NRG3: variants seen among roughly 807,000 people sequenced by gnomAD.
NRG3 encodes the protein neuregulin 3, also known as pro-neuregulin-3, membrane-bound isoform.
NRG3 carries 31 observed loss-of-function variants against 66.9 expected under a neutral mutation model. That is an observed-to-expected ratio of 0.46 (90% CI 0.35 to 0.63). The LOEUF is 0.63. NRG3 is among the 20% of genes least tolerant of loss of function. NRG3 has a pLI of 0.00. For missense variants in NRG3, 910 were observed against 878.9 expected (o/e 1.04, Z -0.45); for synonymous variants, 393 against 359.4 (o/e 1.09, Z -1.06).
intron 1 of NRG3, among the ~76,000 whole-genome samples, chr10:82,023,840 T>C (rs2062170459): frequency 6.6e-6 from 1 of 152,094 alleles, no homozygotes; most frequent in African/African-American, 2.4e-5. Flanking sequence ...TGTCTGGTTT[T>C]GGTATCAGGG....
intron 1 of NRG3, among the ~76,000 whole-genome samples, chr10:81,961,380 T>G (rs1210554572): frequency 1.3e-5 from 2 of 152,218 alleles, no homozygotes; most frequent in African/African-American, 4.8e-5. Flanking sequence ...TGTAGACACC[T>G]TGAGGACAGG....
At position 82,863,782 on chromosome 10, in the gene NRG3, T is replaced by C. The variant is rs369224963; in HGVS notation, c.1028-1629T>C. Among the ~76,000 whole-genome samples, 7 of 152,204 alleles carry C rather than the reference T, an allele frequency of 4.6e-5. 1 individual carries two copies. In the East Asian group the frequency reaches 9.6e-4, roughly 21 times the overall value. ...ATGGGTCCATGGCCTCTTCATCCAG[T>C]GCACATTTTCTGCTTTTCCATTATA... On this transcript the variant is annotated intron_variant, in intron 3 of 8. Coordinates refer to ENST00000372141, the MANE Select transcript of NRG3 (RefSeq NM_001010848.4).
At chr10:82,209,060 A>G (rs2075269996) in intron 1 of NRG3, among the ~76,000 whole-genome samples, 1 of 152,186 alleles carries the variant, frequency 6.6e-6, no homozygotes, top group South Asian at 2.1e-4. Flanking sequence ...TCAAACCATA[A>G]AATCACACTT....
chr10:82,607,043 T>C (rs937871735), intron 2 of NRG3, among the ~76,000 whole-genome samples: 1 of 152,154 alleles, frequency 6.6e-6, no homozygotes, highest in Non-Finnish European at 1.5e-5. Context: ...CTTGTTTGAC[T>C]GTCCTACAAT....
At chr10:82,810,241 A>G (rs898178898) in intron 3 of NRG3, among the ~76,000 whole-genome samples, 1 of 152,148 alleles carries the variant, frequency 6.6e-6, no homozygotes, top group Non-Finnish European at 1.5e-5. Flanking sequence ...GGTTATGGAT[A>G]TGTATTGGTC....
intron 1 of NRG3, among the ~76,000 whole-genome samples, chr10:82,149,469 AT>A (rs1409522104): frequency 6.6e-6 from 1 of 152,046 alleles, no homozygotes; most frequent in African/African-American, 2.4e-5. Context: ...ACATTTTTTC[AT>A]GTGTTTTATT....
At chr10:82,014,834 C>A (rs2061717666) in intron 1 of NRG3, among the ~76,000 whole-genome samples, 1 of 151,910 alleles carries the variant, frequency 6.6e-6, no homozygotes, top group Non-Finnish European at 1.5e-5. Context: ...AAATAACAGG[C>A]TAGAAAGAGG....
intron 1 of NRG3, among the ~76,000 whole-genome samples, chr10:81,999,192 C>A (rs535744440): frequency 6.6e-6 from 1 of 152,144 alleles, no homozygotes; most frequent in Non-Finnish European, 1.5e-5. Context: ...CCATCATTTA[C>A]GTGAAAGGTA....
intron 1 of NRG3, among the ~76,000 whole-genome samples, chr10:82,326,829 A>C (rs907203614): frequency 2.6e-5 from 4 of 152,164 alleles, no homozygotes; most frequent in African/African-American, 9.7e-5. Context: ...CATCACCTTT[A>C]ATGTATGTAA....
intron 1 of NRG3, among the ~76,000 whole-genome samples, chr10:82,172,244 A>G (rs1180964587): frequency 6.6e-6 from 1 of 152,116 alleles, no homozygotes; most frequent in Non-Finnish European, 1.5e-5. Flanking sequence ...ATTAGTGGAC[A>G]ACTAATAAAC....
chr10:82,659,797 C>T (rs542395104), intron 2 of NRG3, among the ~76,000 whole-genome samples: 1 of 152,150 alleles, frequency 6.6e-6, no homozygotes, highest in Non-Finnish European at 1.5e-5. Flanking sequence ...ATCAATGCCT[C>T]TCATCTTCCA....
rs1242486326 is a variant in NRG3 at position 82,481,837 on chromosome 10, G to T, written c.953+122969G>T. ...GCATCTCTACTAAAAACACAAAAAA[G>T]TGAGCCAGGCATGGTGGTGGGTGCC... On this transcript the variant is annotated intron_variant, in intron 2 of 8. Coordinates refer to ENST00000372141, the MANE Select transcript of NRG3 (RefSeq NM_001010848.4). Among the ~76,000 whole-genome samples the T allele has an allele frequency of 3.9e-5, 6 of 152,020 alleles. No individual in the cohort carries two copies. The East Asian group carries it at 1.2e-3, about 29-fold the overall frequency.
chr10:82,981,713 G>A (rs757317907), intron 8 of NRG3, among the ~76,000 whole-genome samples: 34 of 152,150 alleles, frequency 2.2e-4, no homozygotes, highest in Non-Finnish European at 4.0e-4. Context: ...GAGGTGGAGA[G>A]GAGATTCTTG....
At chr10:82,659,439 G>T (rs1022459364) in intron 2 of NRG3, among the ~76,000 whole-genome samples, 2 of 152,024 alleles carry the variant, frequency 1.3e-5, no homozygotes, top group African/African-American at 4.8e-5. Flanking sequence ...ATAATTTGAG[G>T]TCAGGAGTTC....
chr10:81,903,232 G>A (rs1305046390), intron 1 of NRG3, among the ~76,000 whole-genome samples: 1 of 152,074 alleles, frequency 6.6e-6, no homozygotes, highest in Non-Finnish European at 1.5e-5. Context: ...TAGAGACTCA[G>A]AGGCCGGGTG....
intron 2 of NRG3, among the ~76,000 whole-genome samples, chr10:82,697,114 T>G (rs2055446080): frequency 6.6e-6 from 1 of 152,200 alleles, no homozygotes; most frequent in Non-Finnish European, 1.5e-5. Flanking sequence ...ACAAAAAGTT[T>G]CATATTTGGG....
chr10:82,121,715 C>T (rs1378339956), intron 1 of NRG3, among the ~76,000 whole-genome samples: 1 of 152,120 alleles, frequency 6.6e-6, no homozygotes, highest in African/African-American at 2.4e-5. Context: ...GAAATCATAG[C>T]TCACTGCAGC....
chr10:82,328,968 A>G (rs1289838662), intron 1 of NRG3, among the ~76,000 whole-genome samples: 1 of 152,202 alleles, frequency 6.6e-6, no homozygotes, highest in Admixed American at 6.5e-5. Context: ...TCAGTTTTAA[A>G]AAGTAAAAGC....
intron 3 of NRG3, among the ~76,000 whole-genome samples, chr10:82,743,868 T>C (rs1293597136): frequency 6.6e-6 from 1 of 152,200 alleles, no homozygotes; most frequent in Non-Finnish European, 1.5e-5. Flanking sequence ...CTTTCTCAAT[T>C]GTATTTAATA....
Sources: allele counts gnomAD v4.1 joint callset (sites outside exome capture counted in the v4.1 genomes callset), GRCh38; gene constraint gnomAD v4.1.1; transcripts MANE v1.5; gene names NCBI Gene and HGNC (gene_info 2026-07-23, HGNC 2026-07-21).